ITGA8: variants seen among roughly 807,000 people sequenced by gnomAD.
ITGA8 encodes integrin subunit alpha 8.
Under a neutral mutation model 142.3 loss-of-function variants are expected in ITGA8, and 91 were observed. The observed-to-expected ratio is 0.64, with a 90% CI of 0.54 to 0.76. The LOEUF (loss-of-function observed/expected upper bound fraction) is 0.76, where lower values mean the gene tolerates loss of function less well. Ranked by LOEUF, ITGA8 falls within the 30% of genes least tolerant of loss-of-function variation. The pLI is 0.00. For synonymous variants in ITGA8, 505 were observed against 485.2 expected (o/e 1.04, Z -0.54); for missense variants, 1,406 against 1,327.7 (o/e 1.06, Z -0.92).
intron 15 of ITGA8, among the ~76,000 whole-genome samples, chr10:15,612,874 A>G (rs1833323455): frequency 6.6e-6 from 1 of 152,216 alleles, no homozygotes; most frequent in African/African-American, 2.4e-5. Context: ...TAGAAATGGG[A>G]CATCGGCTGG....
chr10:15,654,797 C>T (rs964247695), intron 11 of ITGA8, among the ~76,000 whole-genome samples: 1 of 152,120 alleles, frequency 6.6e-6, no homozygotes, highest in African/African-American at 2.4e-5. Flanking sequence ...ATTAATTTAC[C>T]TGTCAGGTCC....
chr10:15,701,981 C>T (rs1835172774), intron 2 of ITGA8, among the ~76,000 whole-genome samples: 1 of 152,236 alleles, frequency 6.6e-6, no homozygotes, highest in East Asian at 1.9e-4. Flanking sequence ...ACAGCCTTGG[C>T]CAGAGAACTC....
chr10:15,575,311 G>T (rs377201211), intron 24 of ITGA8, among the ~76,000 whole-genome samples, 178 bp downstream of exon 24: 18 of 152,210 alleles, frequency 1.2e-4, no homozygotes, highest in African/African-American at 4.3e-4. Context: ...GATTGTTTGA[G>T]CCCAGAAAGT....
At chr10:15,684,248 A>T in intron 3 of ITGA8, 121 bp from the exon 4 acceptor site, 1 of 999,944 alleles carries the variant, frequency 1.0e-6, no homozygotes, top group Non-Finnish European at 1.4e-6. Context: ...GGCCTCTAGC[A>T]TGCTAATGAG....
chr10:15,686,707 T>C (rs1041438255), intron 3 of ITGA8, among the ~76,000 whole-genome samples: 5 of 152,228 alleles, frequency 3.3e-5, no homozygotes, highest in African/African-American at 1.2e-4. Context: ...CTGCTAAGTT[T>C]CAGCACTCAA....
intron 25 of ITGA8, among the ~76,000 whole-genome samples, chr10:15,569,216 G>A (rs1793729777): frequency 6.6e-6 from 1 of 152,176 alleles, no homozygotes; most frequent in Non-Finnish European, 1.5e-5. Flanking sequence ...ACGTAGGAAG[G>A]AAATGGCCAA....
At chr10:15,603,234 A>T (rs1833134300) in intron 20 of ITGA8, among the ~76,000 whole-genome samples, 1 of 152,212 alleles carries the variant, frequency 6.6e-6, no homozygotes, top group Admixed American at 6.5e-5. Flanking sequence ...TAATGCCTTT[A>T]AAATACCAAC....
chr10:15,632,086 G>C (rs1285356915), intron 13 of ITGA8, among the ~76,000 whole-genome samples: 4 of 151,978 alleles, frequency 2.6e-5, no homozygotes, highest in African/African-American at 7.3e-5. Flanking sequence ...GATTCTGAAG[G>C]CTATATTATT....
At chr10:15,549,277 C>A (rs914906523) in intron 26 of ITGA8, among the ~76,000 whole-genome samples, 79 of 143,646 alleles carry the variant, frequency 5.5e-4, no homozygotes, top group South Asian at 4.3e-4. Context: ...ATGGTGTGAC[C>A]TCAGCTCACT....
intron 8 of ITGA8, 112 bp from the exon 9 acceptor site, chr10:15,661,034 C>A (rs1834276782): frequency 5.0e-6 from 5 of 996,582 alleles, no homozygotes; most frequent in Non-Finnish European, 7.8e-6. Context: ...GAGTGGCTAT[C>A]ATACAGAGCA....
At chr10:15,551,141 G>A (rs1437602243) in intron 26 of ITGA8, among the ~76,000 whole-genome samples, 5 of 152,068 alleles carry the variant, frequency 3.3e-5, no homozygotes, top group African/African-American at 9.7e-5. Flanking sequence ...GAGGACGGGC[G>A]TGGCTCTCAG....
chr10:15,664,623 G>A (rs1232588497), intron 8 of ITGA8, among the ~76,000 whole-genome samples: 10 of 150,940 alleles, frequency 6.6e-5, no homozygotes, highest in African/African-American at 2.4e-4. Context: ...CCATTAACTC[G>A]TCATTTAGCA....
Position 15,621,459 on chromosome 10 carries a change from G to A in ITGA8, c.1400-4900C>T, listed in dbSNP as rs1366786649. 1.1e-4 allele frequency among the ~76,000 whole-genome samples: 17 copies of A among 152,240 alleles called. No homozygotes were observed. The South Asian group carries it at 1.7e-3, about 15-fold the overall frequency. The stretch of plus-strand genomic sequence containing the variant: ...TTTTGTATTTTATTTCTTGCAAATC[G>A]TTATTTTTAAATGAGGAAGAAAAGC... On this transcript the variant is annotated intron_variant, in intron 13 of 29. Coordinates refer to ENST00000378076, the MANE Select transcript of ITGA8 (RefSeq NM_003638.3).
chr10:15,576,217 G>C (rs1234509762), intron 23 of ITGA8, among the ~76,000 whole-genome samples: 1 of 152,132 alleles, frequency 6.6e-6, no homozygotes, highest in African/African-American at 2.4e-5. Context: ...GTGTGATAGA[G>C]TTATAGAGTG....
chr10:15,656,648 C>A (rs979974872), intron 10 of ITGA8, among the ~76,000 whole-genome samples: 2 of 152,248 alleles, frequency 1.3e-5, no homozygotes, highest in East Asian at 1.9e-4. Flanking sequence ...CAGGTGTGAT[C>A]CCCCGCACCT....
chr10:15,593,839 A>ATTTTTTTT (rs35907545), intron 21 of ITGA8, among the ~76,000 whole-genome samples: 1,399 of 137,150 alleles, frequency 0.01, 29 homozygotes, highest in African/African-American at 0.037. Context: ...CCCAGCAAAG[A>ATTTTTTTT]TTTTTTTTTT....
intron 27 of ITGA8, 138 bp from the exon 28 acceptor site, chr10:15,531,289 C>CT (rs141853664): frequency 2.2e-5 from 10 of 462,938 alleles, no homozygotes; most frequent in South Asian, 4.8e-5. Flanking sequence ...TCTCTTTTAA[C>CT]TTTTTTTTCC....
In ITGA8 at chr10:15,702,064, A is replaced by G. The variant is rs905900464; in HGVS notation, c.344-14026T>C. Among the ~76,000 whole-genome samples, 13 of 152,180 alleles carry G rather than the reference A, an allele frequency of 8.5e-5. No homozygotes were observed. In the East Asian group the frequency reaches 2.3e-3, roughly 27 times the overall value. ...ATATCACAGAAAATTAAACTTCCAA[A>G]TGTATGGCTCCCAATACTCCAAAAC... On this transcript the variant is annotated intron_variant, in intron 2 of 29. Coordinates refer to ENST00000378076, the MANE Select transcript of ITGA8 (RefSeq NM_003638.3).
At chr10:15,667,285 G>T (rs1834414085) in intron 8 of ITGA8, among the ~76,000 whole-genome samples, 2 of 152,102 alleles carry the variant, frequency 1.3e-5, no homozygotes, top group South Asian at 4.2e-4. Context: ...ATTTCTTCTA[G>T]ATTGTCTAGT....
Sources: allele counts gnomAD v4.1 joint callset (sites outside exome capture counted in the v4.1 genomes callset), GRCh38; gene constraint gnomAD v4.1.1; transcripts MANE v1.5; gene names NCBI Gene and HGNC (gene_info 2026-07-23, HGNC 2026-07-21).